Variants in PTPRD observed in about 807,000 individuals in gnomAD.
The protein encoded by PTPRD is receptor-type tyrosine-protein phosphatase delta.
A neutral mutation model predicts 214.5 loss-of-function variants in PTPRD; 34 were observed. The ratio of observed to expected loss-of-function variants is 0.16; its 90% CI spans 0.12 to 0.21. The LOEUF (loss-of-function observed/expected upper bound fraction) is 0.21, where lower values mean the gene tolerates loss of function less well. PTPRD is among the 10% of genes least tolerant of loss of function. The probability of loss-of-function intolerance (pLI) is 1.00; values close to 1 mark genes in which losing one functional copy is unlikely to be tolerated. For missense variants in PTPRD, 2,545 were observed against 2,398.7 expected, an observed-to-expected ratio of 1.06 and a Z score of -1.27; for synonymous variants, 1,128 against 845.7, an observed-to-expected ratio of 1.33 and a Z score of -5.79.
intron 2 of PTPRD, among the ~76,000 whole-genome samples, chr9:10,404,047 G>A (rs1401566783): frequency 6.6e-6 from 1 of 151,734 alleles, no homozygotes; most frequent in African/African-American, 2.4e-5. Context: ...CACCACTCTG[G>A]TGGAGGATGG....
At chr9:10,026,074 G>C (rs140889805) in intron 4 of PTPRD, among the ~76,000 whole-genome samples, 116 of 152,302 alleles carry the variant, frequency 7.6e-4, no homozygotes, top group Admixed American at 2.0e-3. Flanking sequence ...TCTTGCAATT[G>C]ATGGTGTTTC....
intron 14 of PTPRD, among the ~76,000 whole-genome samples, chr9:8,586,820 G>A (rs919413516): frequency 3.9e-5 from 6 of 152,132 alleles, no homozygotes; most frequent in Admixed American, 6.6e-5. Flanking sequence ...TAAAGTCAGC[G>A]AGGTTATCTT....
chr9:9,750,514 C>T (rs1323797), intron 6 of PTPRD, among the ~76,000 whole-genome samples: 80,480 of 151,838 alleles, frequency 0.53, 24,519 homozygotes, highest in African/African-American at 0.83. Flanking sequence ...TTCTACTTAC[C>T]TCACCATAAC....
intron 11 of PTPRD, among the ~76,000 whole-genome samples, chr9:8,741,131 G>T (rs762585606): frequency 6.6e-6 from 1 of 151,944 alleles, no homozygotes; most frequent in Non-Finnish European, 1.5e-5. Context: ...ATGGCAAAAT[G>T]ACATTATTAA....
chr9:10,467,769 A>C (rs555596742), intron 2 of PTPRD, among the ~76,000 whole-genome samples: 2 of 152,334 alleles, frequency 1.3e-5, no homozygotes, highest in South Asian at 4.1e-4. Context: ...GCTACATAGA[A>C]AATGTTTATC....
At chr9:9,480,403 T>C (rs2095356068) in intron 8 of PTPRD, among the ~76,000 whole-genome samples, 1 of 152,188 alleles carries the variant, frequency 6.6e-6, no homozygotes, top group Non-Finnish European at 1.5e-5. Flanking sequence ...ATAAGTTCCT[T>C]TTCAAATATA....
intron 4 of PTPRD, among the ~76,000 whole-genome samples, chr9:9,993,400 CACAA>C (rs895197089): frequency 2.6e-5 from 4 of 152,094 alleles, no homozygotes; most frequent in African/African-American, 7.2e-5. Context: ...CTGGAAACAA[CACAA>C]ACATTCATTA....
intron 9 of PTPRD, among the ~76,000 whole-genome samples, chr9:9,335,264 A>G (rs534045801): frequency 8.5e-5 from 13 of 152,172 alleles, no homozygotes; most frequent in Middle Eastern, 3.4e-3. Flanking sequence ...CCCCAGTTGA[A>G]TTACTCATCA....
intron 3 of PTPRD, among the ~76,000 whole-genome samples, chr9:10,203,246 G>A (rs294813): frequency 0.15 from 22,251 of 150,358 alleles, 1,921 homozygotes; most frequent in East Asian, 0.4. Flanking sequence ...TTTACCTGAC[G>A]GCTTGGTGGC....
rs1238324310 is a variant in PTPRD at position 8,316,509 on chromosome 9, C to T, written c.*1365G>A. The T allele has an allele frequency of 2.2e-5, 5 of 229,846 alleles. No individual in the cohort carries two copies. Among genetic ancestry groups the T allele is most frequent in the African/African-American group, 4.5e-5 (2 of 44,902 alleles). The allele number at this position is 229,846 out of a possible 1,614,324, so 14.2% of individuals were successfully genotyped here. On this transcript the variant is annotated 3_prime_UTR_variant, in exon 46 of 46. Coordinates refer to ENST00000381196, the MANE Select transcript of PTPRD (RefSeq NM_002839.4). ...CATAGCACATACTATAGACAATATA[C>T]GATTGAATACACTTTTTTTAAACAA...
At chr9:10,005,508 G>C (rs2096455277) in intron 4 of PTPRD, among the ~76,000 whole-genome samples, 1 of 152,020 alleles carries the variant, frequency 6.6e-6, no homozygotes. Flanking sequence ...TTCTTTTTCA[G>C]ATAGCTCAAA....
intron 8 of PTPRD, among the ~76,000 whole-genome samples, chr9:9,495,879 C>T (rs992592970): frequency 1.3e-5 from 2 of 152,210 alleles, no homozygotes; most frequent in Non-Finnish European, 2.9e-5. Flanking sequence ...ATGCCTCCAT[C>T]TGCAGACAAT....
intron 9 of PTPRD, among the ~76,000 whole-genome samples, chr9:9,365,201 A>G (rs2057527333): frequency 6.6e-6 from 1 of 151,586 alleles, no homozygotes; most frequent in Non-Finnish European, 1.5e-5. Context: ...TCTATGTTAC[A>G]GGGAAGTTGC....
At chr9:10,088,299 A>T (rs1394697357) in intron 3 of PTPRD, among the ~76,000 whole-genome samples, 1 of 151,728 alleles carries the variant, frequency 6.6e-6, no homozygotes, top group African/African-American at 2.4e-5. Flanking sequence ...TCATAGGAAA[A>T]TGTAATTGGA....
At chr9:9,781,108 G>A (rs1477637974) in intron 5 of PTPRD, among the ~76,000 whole-genome samples, 2 of 152,118 alleles carry the variant, frequency 1.3e-5, no homozygotes, top group East Asian at 3.9e-4. Context: ...TGCTTTCATG[G>A]TGGACATTAG....
At chr9:8,908,177 A>G (rs2098721693) in intron 11 of PTPRD, among the ~76,000 whole-genome samples, 1 of 152,188 alleles carries the variant, frequency 6.6e-6, no homozygotes, top group Non-Finnish European at 1.5e-5. Context: ...AATGTCTACC[A>G]AGACATCAAT....
At chr9:9,761,799 A>G (rs571123355) in intron 6 of PTPRD, among the ~76,000 whole-genome samples, 2 of 152,124 alleles carry the variant, frequency 1.3e-5, no homozygotes, top group Non-Finnish European at 2.9e-5. Context: ...CTGTATTTCT[A>G]CATAAACTGA....
intron 3 of PTPRD, among the ~76,000 whole-genome samples, chr9:10,287,401 C>T (rs556754453): frequency 1.5e-4 from 23 of 152,276 alleles, no homozygotes; most frequent in African/African-American, 4.8e-4. Context: ...AATGAAATGT[C>T]TTATAGCATG....
chr9:9,676,889 T>A (rs1157275556), intron 7 of PTPRD, among the ~76,000 whole-genome samples: 1 of 151,612 alleles, frequency 6.6e-6, no homozygotes, highest in Non-Finnish European at 1.5e-5. Flanking sequence ...ATGATGAGCA[T>A]TTTTTCATGT....
Sources: gnomAD v4.1 joint callset for allele counts (sites outside exome capture counted in the v4.1 genomes callset) on GRCh38, gnomAD v4.1.1 for gene constraint, MANE v1.5 for transcripts, NCBI Gene and HGNC (gene_info 2026-07-23, HGNC 2026-07-21) for gene names.